The following TRIM65 variants were observed in gnomAD, a reference collection of about 807,000 sequenced individuals.
TRIM65 encodes the protein E3 ubiquitin-protein ligase TRIM65.
Under a neutral mutation model 36.1 loss-of-function variants are expected in TRIM65, and 46 were observed. The observed-to-expected ratio is 1.27, with a 90% CI of 1.01 to 1.63. The LOEUF (loss-of-function observed/expected upper bound fraction) is 1.63, where lower values mean the gene tolerates loss of function less well. Ranked by LOEUF, TRIM65 falls within the 40% of genes most tolerant of loss-of-function variation. The pLI is 0.00. For synonymous variants in TRIM65, 346 were observed against 313.6 expected (o/e 1.10, Z -1.09); for missense variants, 708 against 696.6 (o/e 1.02, Z -0.18).
At position 75,892,030 on chromosome 17, in the gene TRIM65, AGGCTT is replaced by A; in HGVS notation, c.895_899del (p.Lys299CysfsTer36). On this transcript the variant is annotated frameshift_variant, in exon 4 of 6. Transcript: ENST00000269383. LOFTEE classifies it high-confidence loss of function. ...TCTTACCCACGGGGGCTAAGTCCAC[AGGCTT>A]GGCTGGTGCCCCAGGGTGGCTCCCC... 3.9e-6 allele frequency: 6 copies of A among 1,550,878 alleles called. No individual in the cohort carries two copies. The highest frequency in any genetic ancestry group is 5.2e-6 in the Non-Finnish European group (6 of 1,146,734).
intron 4 of TRIM65, 25 bp downstream of exon 4, chr17:75,891,986 G>T: frequency 6.4e-7 from 1 of 1,552,562 alleles, no homozygotes; most frequent in Non-Finnish European, 8.7e-7. Context: ...CAGGACAGCA[G>T]GGGGAGGCCT....
intron 4 of TRIM65, among the ~76,000 whole-genome samples, chr17:75,882,180 G>A (rs916925934): frequency 6.7e-6 from 1 of 150,238 alleles, no homozygotes. Flanking sequence ...ACAGAGATGC[G>A]GTTTGTCAGT....
chr17:75,891,201 T>C lies in TRIM65; in HGVS notation c.1132A>G (p.Ser378Gly). 2 of 1,612,186 alleles carry C rather than the reference T, an allele frequency of 1.2e-6. No individual in the cohort carries two copies. The highest frequency in any genetic ancestry group is 8.5e-7 in the Non-Finnish European group (1 of 1,179,980). Residue 378 changes from serine to glycine, a missense_variant, in exon 6 of 6, where the codon AGC (serine) becomes GGC (glycine). Ser to Gly is a moderately conservative substitution (Grantham distance 56). Coordinates refer to ENST00000269383, the MANE Select transcript of TRIM65 (RefSeq NM_173547.4). ...FELWQVQCAQ[S>G]FQAGHHYWEV... ...CAGTAGTGGTGCCCGGCCTGGAAGC[T>C]CTGGGCACATTGCACCTGCCAGAGC...
Position 75,889,724 on chromosome 17 carries a change from CCT to C in TRIM65, c.*1053_*1054del, listed in dbSNP as rs1168707922. ...AAAAATCTTCAAGTGCTCATTGTTC[CCT>C]GAGTGACTCACTTGAGGTAACAGCC... On this transcript the variant is annotated 3_prime_UTR_variant, in exon 6 of 6. Transcript: ENST00000269383. The C allele has an allele frequency of 6.6e-6, 1 of 151,974 alleles. No individual in the cohort carries two copies. The highest frequency in any genetic ancestry group is 1.5e-5 in the Non-Finnish European group (1 of 67,996). The allele number at this position is 151,974 out of a possible 1,614,324, so 9.4% of individuals were successfully genotyped here.
At chr17:75,885,977 A>C (rs1377728727), downstream of TRIM65, among the ~76,000 whole-genome samples, 2 of 152,094 alleles carry the variant, frequency 1.3e-5, no homozygotes, top group Non-Finnish European at 1.5e-5. Flanking sequence ...CTTGAATCCC[A>C]GCTCCCATGA....
In TRIM65 at chr17:75,896,801, G is replaced by A. The variant is rs2065356444; in HGVS notation, c.137C>T (p.Ala46Val). Residue 46 changes from alanine (A) to valine (V), a missense_variant, in exon 1 of 6, where the codon GCG becomes GTG. Physicochemically the swap from Ala to Val is moderately conservative, Grantham distance 64. Coordinates refer to ENST00000269383, the MANE Select transcript of TRIM65 (RefSeq NM_173547.4). ...AAAGGGCTCCCGGCACTCGGGGCAC[G>A]CCTTTCCGCAGCGGTCCCACCAGTC... ...IRDWWDRCGK[A>V]CPECREPFPD... The A allele has an allele frequency of 1.3e-6, 2 of 1,511,020 alleles. No homozygotes were observed. Among genetic ancestry groups the A allele is most frequent in the Non-Finnish European group, 1.8e-6 (2 of 1,132,700 alleles). 93.6% of individuals were successfully genotyped at this position (1,511,020 alleles called of 1,614,324 possible). A position where few individuals can be genotyped will look rare whatever the true frequency, so the allele number is the denominator to read the frequency against.
At chr17:75,883,770 A>C (rs142186653) in intron 4 of TRIM65, among the ~76,000 whole-genome samples, 38,805 of 150,756 alleles carry the variant, frequency 0.26, 6,179 homozygotes, top group African/African-American at 0.45. Flanking sequence ...CTTGTGATCC[A>C]CCCGCCTCGG....
At chr17:75,892,550 C>A (rs776899655) in intron 2 of TRIM65, 50 bp from the exon 3 acceptor site, 2 of 1,535,556 alleles carry the variant, frequency 1.3e-6, no homozygotes, top group Non-Finnish European at 1.8e-6. Flanking sequence ...CTGTGCCATA[C>A]CAAGGGAGGC....
Position 75,892,387 on chromosome 17 carries a change from C to T in TRIM65, c.624G>A (p.Gln208=), listed in dbSNP as rs373774228. 126 of 1,613,878 alleles carry T rather than the reference C, an allele frequency of 7.8e-5. No homozygotes were observed. Among genetic ancestry groups the T allele is most frequent in the Admixed American group, 2.0e-4 (12 of 59,996 alleles). Residue 208 remains glutamine, a synonymous_variant, in exon 3 of 6, where the codon CAG becomes CAA. Transcript: ENST00000269383. The stretch of plus-strand genomic sequence containing the variant: ...CCTCGTCTCGAGCCTGTGCCAGCGC[C>T]TGCGTCTTGGCCACCTCGATGCTCC... ...ALRSIEVAKT[Q]ALAQARDEEQ... is the part of the protein sequence containing the mutation.
intron 4 of TRIM65, among the ~76,000 whole-genome samples, chr17:75,882,444 G>A (rs887594729): frequency 1.3e-5 from 2 of 150,598 alleles, no homozygotes; most frequent in Admixed American, 6.6e-5. Context: ...CCTGACCTCA[G>A]GTGATCTGCC....
At chr17:75,884,143 A>T (rs2065188661), downstream of TRIM65, among the ~76,000 whole-genome samples, 1 of 151,728 alleles carries the variant, frequency 6.6e-6, no homozygotes, top group African/African-American at 2.4e-5. Context: ...CTCAAAAAAT[A>T]AATAAATAAA....
downstream of TRIM65, among the ~76,000 whole-genome samples, chr17:75,885,535 G>A (rs759914210): frequency 6.6e-6 from 1 of 152,198 alleles, no homozygotes; most frequent in South Asian, 2.1e-4. Context: ...GGGAGCCACC[G>A]CGCCCAGCCA....
At chr17:75,882,990 A>C (rs1005496214) in intron 4 of TRIM65, among the ~76,000 whole-genome samples, 1 of 148,778 alleles carries the variant, frequency 6.7e-6, no homozygotes, top group African/African-American at 2.6e-5. Flanking sequence ...GAAAAAAAAA[A>C]AACAAAAACA....
chr17:75,891,763 TC>T (rs2065270261), intron 5 of TRIM65, 49 bp downstream of exon 5: 1 of 1,570,034 alleles, frequency 6.4e-7, no homozygotes, highest in African/African-American at 1.4e-5. Flanking sequence ...CACAGGCACT[TC>T]CTTGCACACG....
rs2065239461 is a variant in TRIM65 at position 75,889,583 on chromosome 17, CA to C, written c.*1195del. The C allele has an allele frequency of 6.6e-6, 1 of 152,182 alleles. No individual in the cohort carries two copies. Among genetic ancestry groups the C allele is most frequent in the Non-Finnish European group, 1.5e-5 (1 of 68,044 alleles). The allele number at this position is 152,182 out of a possible 1,614,324, so 9.4% of individuals were successfully genotyped here. A position where few individuals can be genotyped will look rare whatever the true frequency, so the allele number is the denominator to read the frequency against. On this transcript the variant is annotated 3_prime_UTR_variant, in exon 6 of 6. Transcript: ENST00000269383. ...CACGGCTGCCCCAAAGTCCCACACC[CA>C]GGGGTGGGATGCTGGAGATGAAGGT... is the stretch of plus-strand genomic sequence containing the variant.
In TRIM65 at chr17:75,892,707, A is replaced by G. The variant is rs765805767; in HGVS notation, c.510+48T>C. On this transcript the variant is annotated intron_variant, in intron 2 of 5. Coordinates refer to ENST00000269383, the MANE Select transcript of TRIM65 (RefSeq NM_173547.4). The stretch of plus-strand genomic sequence containing the variant: ...CCAGGGACCAGCTGGTGGCCGCCCC[A>G]GGATGCAGTGTGAGGCCATGGTGGG... The G allele has an allele frequency of 3.2e-6, 5 of 1,547,346 alleles. No homozygotes were observed. In the African/African-American group the frequency reaches 4.1e-5, roughly 13 times the overall value.
intron 2 of TRIM65, 63 bp downstream of exon 2, chr17:75,892,692 G>C: frequency 6.7e-7 from 1 of 1,486,344 alleles, no homozygotes; most frequent in Non-Finnish European, 9.2e-7. Context: ...CCAGGGACCA[G>C]CTGGTGGCCG....
rs2065243298 is a variant in TRIM65 at position 75,889,897 on chromosome 17, C to G, written c.*882G>C. On this transcript the variant is annotated 3_prime_UTR_variant, in exon 6 of 6. Transcript: ENST00000269383. ...GAGCCCATGACCGCACCCCTGCACA[C>G]CAGCCTGGGTGACAGATGGAGATCC... is the stretch of plus-strand genomic sequence containing the variant. The G allele has an allele frequency of 1.3e-5, 2 of 152,082 alleles. No individual in the cohort carries two copies. The highest frequency in any genetic ancestry group is 2.9e-5 in the Non-Finnish European group (2 of 68,022). 9.4% of individuals were successfully genotyped at this position (152,082 alleles called of 1,614,324 possible).
rs1301678768 is a variant in TRIM65 at position 75,892,849 on chromosome 17, G to T, written c.416C>A (p.Ala139Asp). The change falls in exon 2 of 6, where the codon GCC becomes GAC. Residue 139 changes from alanine (A) to aspartate (D), a missense_variant and splice_region_variant. By Grantham distance (126) the Ala-to-Asp change is moderately radical (BLOSUM62 -2). Transcript: ENST00000269383. ...LLDAERLKRE[A>D]QLRASLEVTQ... is the part of the protein sequence containing the mutation. ...AACCTCCAGGCTGGCTCTCAGCTGG[G>T]CCTGTGGTGCGGGCCCACGGGACAA... 2 of 1,601,576 alleles carry T rather than the reference G, an allele frequency of 1.2e-6. No homozygotes were observed. The highest frequency in any genetic ancestry group is 2.2e-5 in the East Asian group (1 of 44,886).
Sources: gnomAD v4.1 joint callset for allele counts (sites outside exome capture counted in the v4.1 genomes callset) on GRCh38, gnomAD v4.1.1 for gene constraint, MANE v1.5 for transcripts, NCBI Gene and HGNC (gene_info 2026-07-23, HGNC 2026-07-21) for gene names.